LACTB: variants seen among roughly 807,000 people sequenced by gnomAD.
LACTB encodes serine beta-lactamase-like protein LACTB, mitochondrial.
In LACTB, 35 loss-of-function variants were observed where a neutral mutation model predicts 50.2. The observed-to-expected ratio is 0.70, with a 90% CI of 0.53 to 0.92. The LOEUF (loss-of-function observed/expected upper bound fraction) is 0.92. LACTB is among the 40% of genes least tolerant of loss of function. The probability of loss-of-function intolerance (pLI) is 0.00; values close to 1 mark genes in which losing one functional copy is unlikely to be tolerated. For synonymous variants in LACTB, 252 were observed against 268.2 expected, an observed-to-expected ratio of 0.94 and a Z score of 0.59; for missense variants, 664 against 691.8, an observed-to-expected ratio of 0.96 and a Z score of 0.45.
At chr15:63,129,257 T>C (rs1261748053) in intron 4 of LACTB, 1 of 288,788 alleles carries the variant, frequency 3.5e-6, no homozygotes, top group Non-Finnish European at 6.3e-6. Context: ...TTATGTGAAA[T>C]GTTAAGTATG....
chr15:63,123,861 A>AC (rs1431892604), intron 2 of LACTB, among the ~76,000 whole-genome samples: 1 of 152,206 alleles, frequency 6.6e-6, no homozygotes, highest in African/African-American at 2.4e-5. Context: ...ATGAAGGCGG[A>AC]CTAGGAGCGT....
chr15:63,123,504 A>G (rs1461152488), intron 2 of LACTB, among the ~76,000 whole-genome samples: 2 of 152,180 alleles, frequency 1.3e-5, no homozygotes, highest in African/African-American at 2.4e-5. Context: ...ATAAAGACAC[A>G]AGACAAAGAG....
Position 63,141,951 on chromosome 15 carries a change from G to T in LACTB, c.*146G>T, listed in dbSNP as rs1321952241. The stretch of plus-strand genomic sequence containing the variant: ...TATGTACCTCTAATTGCTTAATTTT[G>T]TAATGGTCTTTTATTGTAGAATTGG... On this transcript the variant is annotated 3_prime_UTR_variant, in exon 6 of 6. Coordinates refer to ENST00000261893, the MANE Select transcript of LACTB (RefSeq NM_032857.5). 6.2e-6 allele frequency: 4 copies of T among 640,056 alleles called. No individual in the cohort carries two copies. The highest frequency in any genetic ancestry group is 3.6e-5 in the African/African-American group (2 of 54,822). 39.6% of individuals were successfully genotyped at this position (640,056 alleles called of 1,614,324 possible).
In LACTB at chr15:63,141,588, G is replaced by A. The variant is rs1463291764; in HGVS notation, c.1427G>A (p.Cys476Tyr). The A allele has an allele frequency of 6.2e-7, 1 of 1,614,196 alleles. No individual in the cohort carries two copies. Among genetic ancestry groups the A allele is most frequent in the Non-Finnish European group, 8.5e-7 (1 of 1,180,020 alleles). The change falls in exon 6 of 6, where the codon TGT (cysteine) becomes TAT (tyrosine). Residue 476 changes from cysteine (C) to tyrosine (Y), a missense_variant. Cys to Tyr is a radical substitution (Grantham distance 194). Coordinates refer to ENST00000261893, the MANE Select transcript of LACTB (RefSeq NM_032857.5). Reference sequence around the variant, plus strand: ...GAAAGGAAACAAACGTATGGTTCGTGTAGAAAGCAACGGCATTATGCTTCA... The same window carrying A: ...GAAAGGAAACAAACGTATGGTTCGTATAGAAAGCAACGGCATTATGCTTCA... Reference protein sequence around the residue: ...VVERKQTYGSCRKQRHYASHT... With the variant: ...VVERKQTYGSYRKQRHYASHT...
rs766032294 is a variant in LACTB, at chr15:63,127,369, G to C, written c.632G>C (p.Arg211Thr). Reference sequence around the variant, plus strand: ...TACAATTAGGTTTCTGTCACAACAAGATTACTGATTTCCCATTTAAGTGGA... The same window carrying C: ...TACAATTAGGTTTCTGTCACAACAACATTACTGATTTCCCATTTAAGTGGA... Reference protein sequence around the residue: ...YEGEKVSVTTRLLISHLSGIR... With the variant: ...YEGEKVSVTTTLLISHLSGIR... The change falls in exon 4 of 6, where the codon AGA (arginine) becomes ACA (threonine). Residue 211 changes from arginine to threonine, a missense_variant. Physicochemically the swap from Arg to Thr is moderately conservative, Grantham distance 71. Transcript: ENST00000261893. 7 of 1,568,932 alleles carry C rather than the reference G, an allele frequency of 4.5e-6. No homozygotes were observed. The highest frequency in any genetic ancestry group is 6.0e-6 in the Non-Finnish European group (7 of 1,162,644).
At chr15:63,123,227 TAACTGA>T (rs63433661) in intron 2 of LACTB, among the ~76,000 whole-genome samples, 1,550 of 152,366 alleles carry the variant, frequency 0.01, 27 homozygotes, top group African/African-American at 0.034. Context: ...GGACCATGGA[TAACTGA>T]AACTGAGGAA....
chr15:63,140,212 G>A (rs931953934), intron 5 of LACTB, among the ~76,000 whole-genome samples: 7 of 152,184 alleles, frequency 4.6e-5, no homozygotes, highest in Non-Finnish European at 1.0e-4. Flanking sequence ...ATAATCAGGA[G>A]TTGACACAAA....
intron 5 of LACTB, among the ~76,000 whole-genome samples, chr15:63,139,155 C>G (rs2037202663): frequency 1.3e-5 from 2 of 149,764 alleles, no homozygotes; most frequent in Admixed American, 1.3e-4. Context: ...TCAAAACCAG[C>G]CTGGCCAACA....
chr15:63,141,840 CTGAGGTTTTTT>C lies in LACTB; in HGVS notation c.*39_*49del, dbSNP rs1312773060. ...CACCATAGGTGCAAAATGAGTTGTTCTGAGGTTTTTTTGAAACATTAAAGTTCCAAAACATG... is the reference window on the plus strand; with the variant it reads ...CACCATAGGTGCAAAATGAGTTGTTCTGAAACATTAAAGTTCCAAAACATG... On this transcript the variant is annotated 3_prime_UTR_variant, in exon 6 of 6. Transcript: ENST00000261893. The C allele has an allele frequency of 6.5e-7, 1 of 1,545,972 alleles. No homozygotes were observed. The highest frequency in any genetic ancestry group is 2.3e-5 in the East Asian group (1 of 44,078).
At chr15:63,139,461 T>C (rs540865583) in intron 5 of LACTB, among the ~76,000 whole-genome samples, 55 of 152,212 alleles carry the variant, frequency 3.6e-4, no homozygotes, top group African/African-American at 1.3e-3. Flanking sequence ...GAGACCAGCC[T>C]GGCCAACATG....
In LACTB at chr15:63,129,554, G is replaced by A; in HGVS notation, c.1022G>A (p.Cys341Tyr). Residue 341 changes from cysteine (C) to tyrosine (Y), a missense_variant, in exon 5 of 6, where the codon TGT (cysteine) becomes TAT (tyrosine). Transcript: ENST00000261893. ...LAAIVERASGCKYLDYMQKIF... is the reference protein window; with the variant it reads ...LAAIVERASGYKYLDYMQKIF... ...GCCATAGTAGAGAGAGCTTCAGGAT[G>A]TAAATATTTGGACTATATGCAGAAA... 1 of 1,613,478 alleles carries A rather than the reference G, an allele frequency of 6.2e-7. No homozygotes were observed. The highest frequency in any genetic ancestry group is 8.5e-7 in the Non-Finnish European group (1 of 1,179,692).
At position 63,122,131 on chromosome 15, in the gene LACTB, C is replaced by A. The variant is rs2036980540; in HGVS notation, c.260C>A (p.Ser87Tyr). Residue 87 changes from serine to tyrosine, a missense_variant, in exon 1 of 6, where the codon TCC (serine) becomes TAC (tyrosine). Transcript: ENST00000261893. The part of the protein sequence containing the change: ...SPLAEPPQEQ[S>Y]LAPWSPQTPA... ...CTGGCCGAGCCGCCACAGGAGCAGT[C>A]CCTCGCCCCGTGGTCTCCGCAGACC... 1 of 1,497,792 alleles carries A rather than the reference C, an allele frequency of 6.7e-7. No individual in the cohort carries two copies. 92.8% of individuals were successfully genotyped at this position (1,497,792 alleles called of 1,614,324 possible).
intron 4 of LACTB, among the ~76,000 whole-genome samples, chr15:63,129,031 C>T (rs997399479): frequency 7.9e-5 from 12 of 152,170 alleles, no homozygotes; most frequent in South Asian, 6.2e-4. Context: ...AGTGAGCCAC[C>T]GCTCCTGACC....
At chr15:63,125,735 A>G (rs2037045004) in intron 2 of LACTB, 1 of 151,870 alleles carries the variant, frequency 6.6e-6, no homozygotes, top group African/African-American at 2.4e-5. Context: ...GCTGGCGTGC[A>G]GTGGTGTGAT....
chr15:63,137,992 C>A (rs1213427656), intron 5 of LACTB, among the ~76,000 whole-genome samples: 2 of 152,028 alleles, frequency 1.3e-5, no homozygotes, highest in Admixed American at 1.3e-4. Flanking sequence ...ACAATAAATA[C>A]CAAGTGATGA....
intron 5 of LACTB, among the ~76,000 whole-genome samples, chr15:63,133,980 G>A (rs539608480): frequency 1.1e-4 from 17 of 152,328 alleles, no homozygotes; most frequent in Admixed American, 5.2e-4. Flanking sequence ...AAATACTTAT[G>A]AAAGGGCAGT....
chr15:63,122,294 G>GTCCACTCA, intron 1 of LACTB, 66 bp downstream of exon 1: 1 of 1,361,136 alleles, frequency 7.3e-7, no homozygotes, highest in Non-Finnish European at 9.8e-7. Flanking sequence ...TGCTGTCGGG[G>GTCCACTCA]GCTGAGTGGA....
Position 63,141,901 on chromosome 15 carries a change from T to G in LACTB, c.*96T>G. ...GACATTTTTAAGAATAAATTTGAAA[T>G]AGAGTATAACTGAATGCAGAGAATT... is the stretch of plus-strand genomic sequence containing the variant. On this transcript the variant is annotated 3_prime_UTR_variant, in exon 6 of 6. Coordinates refer to ENST00000261893, the MANE Select transcript of LACTB (RefSeq NM_032857.5). 1 of 1,053,094 alleles carries G rather than the reference T, an allele frequency of 9.5e-7. No homozygotes were observed. Among genetic ancestry groups the G allele is most frequent in the Non-Finnish European group, 1.4e-6 (1 of 739,790 alleles). 65.2% of individuals were successfully genotyped at this position (1,053,094 alleles called of 1,614,324 possible).
chr15:63,124,070 C>T (rs1011071183), intron 2 of LACTB, among the ~76,000 whole-genome samples: 1 of 152,226 alleles, frequency 6.6e-6, no homozygotes, highest in Non-Finnish European at 1.5e-5. Flanking sequence ...CGCTAGACCA[C>T]GGTCCGGCTG....
Sources: allele counts gnomAD v4.1 joint callset (sites outside exome capture counted in the v4.1 genomes callset), GRCh38; gene constraint gnomAD v4.1.1; transcripts MANE v1.5; gene names NCBI Gene and HGNC (gene_info 2026-07-23, HGNC 2026-07-21).